GOLGA8J: variants seen among roughly 807,000 people sequenced by gnomAD.
GOLGA8J encodes the protein golgin A8 family member J, also known as golgin subfamily A member 8J.
GOLGA8J carries 19 observed loss-of-function variants against 67.7 expected under a neutral mutation model. The observed-to-expected ratio is 0.28, with a 90% CI of 0.20 to 0.41. The LOEUF is 0.41. GOLGA8J is among the 10% of genes least tolerant of loss of function. The probability of loss-of-function intolerance (pLI) is 1.00; values close to 1 mark genes in which losing one functional copy is unlikely to be tolerated. For synonymous variants in GOLGA8J, 69 were observed against 215.9 expected (o/e 0.32, Z 5.97); for missense variants, 205 against 584.3 (o/e 0.35, Z 6.69).
intron 13 of GOLGA8J, 57 bp downstream of exon 13, chr15:30,090,337 C>T (rs1478806354): frequency 1.6e-6 from 2 of 1,256,726 alleles, no homozygotes; most frequent in Non-Finnish European, 1.1e-6. Flanking sequence ...CGGGCAGCAG[C>T]CTCTTGGGAG....
chr15:30,089,542 T>G (rs1390333480), intron 11 of GOLGA8J, among the ~76,000 whole-genome samples, 158 bp from the exon 12 acceptor site: 2 of 137,156 alleles, frequency 1.5e-5, no homozygotes, highest in African/African-American at 3.1e-5. Flanking sequence ...GCAGTGCTCT[T>G]TCTCTGAAAG....
rs2057451657 is a variant in GOLGA8J at position 30,094,784 on chromosome 15, T to C, written c.*1285T>C. 7.5e-6 allele frequency among the ~76,000 whole-genome samples: 1 copy of C among 134,058 alleles called. No individual in the cohort carries two copies. The highest frequency in any genetic ancestry group is 2.3e-4 in the South Asian group (1 of 4,424). The allele number at this position is 134,058 out of a possible 152,430, so 87.9% of individuals were successfully genotyped here. On this transcript the variant is annotated 3_prime_UTR_variant, in exon 19 of 19. Coordinates refer to ENST00000567927, the MANE Select transcript of GOLGA8J (RefSeq NM_001282472.2). ...ATAGAAACATTATTATAAACTAATA[T>C]ATGTGAGATACTTAGTTGAAACAAA...
At position 30,090,062 on chromosome 15, in the gene GOLGA8J, C is replaced by A. The variant is rs577028600; in HGVS notation, c.1131+106C>A. On this transcript the variant is annotated intron_variant, in intron 12 of 18. Coordinates refer to ENST00000567927, the MANE Select transcript of GOLGA8J (RefSeq NM_001282472.2). ...GTAGCCCTCACATGAAATGTTACTT[C>A]TAAAGGCACCTGTGAGCCAGGTGGC... The A allele has an allele frequency of 3.4e-6, 4 of 1,166,694 alleles. No individual in the cohort carries two copies. The East Asian group carries it at 1.0e-4, about 30-fold the overall frequency. 72.3% of individuals were successfully genotyped at this position (1,166,694 alleles called of 1,614,324 possible).
intron 15 of GOLGA8J, chr15:30,092,490 C>G (rs200148582): frequency 0.029 from 27,814 of 973,950 alleles, 1,480 homozygotes; most frequent in Admixed American, 0.05. Context: ...GCCTGGCTCA[C>G]CCGGTGGCCT....
Position 30,095,165 on chromosome 15 carries a change from C to G in GOLGA8J, c.*1666C>G, listed in dbSNP as rs992784989. ...TCATGAAGTTCTAATGTCTGTGTTC[C>G]AAAACACATCACATTGTTAGGATGC... is the stretch of plus-strand genomic sequence containing the variant. On this transcript the variant is annotated 3_prime_UTR_variant, in exon 19 of 19. Coordinates refer to ENST00000567927, the MANE Select transcript of GOLGA8J (RefSeq NM_001282472.2). 7.0e-6 allele frequency among the ~76,000 whole-genome samples: 1 copy of G among 143,676 alleles called. No homozygotes were observed. The highest frequency in any genetic ancestry group is 1.5e-5 in the Non-Finnish European group (1 of 66,834). The allele number at this position is 143,676 out of a possible 152,430, so 94.3% of individuals were successfully genotyped here.
At chr15:30,085,357 A>C (rs1042044544) in intron 2 of GOLGA8J, among the ~76,000 whole-genome samples, 2 of 76,806 alleles carry the variant, frequency 2.6e-5, no homozygotes, top group Non-Finnish European at 4.1e-5. Flanking sequence ...ATTTAGGGCA[A>C]GTTGCTAGAC....
chr15:30,092,072 G>T lies in GOLGA8J; in HGVS notation c.1307G>T (p.Gly436Val). The T allele has an allele frequency of 6.3e-7, 1 of 1,597,246 alleles. No individual in the cohort carries two copies. The highest frequency in any genetic ancestry group is 1.1e-5 in the South Asian group (1 of 89,762). ...GGAGGAGAACATCTGGACAGTGAGG[G>T]GGAGGAGGCACCTCGGCCCATGCCG... ...GHGGEHLDSE[G>V]EEAPRPMPSV... Residue 436 changes from glycine to valine, a missense_variant, in exon 15 of 19, where the codon GGG becomes GTG. By Grantham distance (109) the Gly-to-Val change is moderately radical. Coordinates refer to ENST00000567927, the MANE Select transcript of GOLGA8J (RefSeq NM_001282472.2).
chr15:30,096,190 A>G lies in GOLGA8J; in HGVS notation c.*2691A>G, dbSNP rs1455172976. ...CTGAATACATTTTAATGTCTGTAGG[A>G]AGAATCAAAACACCTATTTAAAGAT... On this transcript the variant is annotated 3_prime_UTR_variant, in exon 19 of 19. Coordinates refer to ENST00000567927, the MANE Select transcript of GOLGA8J (RefSeq NM_001282472.2). 6.7e-6 allele frequency among the ~76,000 whole-genome samples: 1 copy of G among 149,164 alleles called. No individual in the cohort carries two copies. Among genetic ancestry groups the G allele is most frequent in the African/African-American group, 2.5e-5 (1 of 39,706 alleles).
Position 30,094,807 on chromosome 15 carries a change from A to T in GOLGA8J, c.*1308A>T, listed in dbSNP as rs1440671168. On this transcript the variant is annotated 3_prime_UTR_variant, in exon 19 of 19. Transcript: ENST00000567927. ...TATATGTGAGATACTTAGTTGAAAC[A>T]AAAAGGAGTTTTAGTAGACGGTATT... is the stretch of plus-strand genomic sequence containing the variant. 7.3e-6 allele frequency among the ~76,000 whole-genome samples: 1 copy of T among 137,110 alleles called. No homozygotes were observed. The highest frequency in any genetic ancestry group is 1.5e-5 in the Non-Finnish European group (1 of 67,058). 89.9% of individuals were successfully genotyped at this position (137,110 alleles called of 152,430 possible). A position where few individuals can be genotyped will look rare whatever the true frequency, so the allele number is the denominator to read the frequency against.
intron 12 of GOLGA8J, 46 bp from the exon 13 acceptor site, chr15:30,090,166 G>T (rs1567306126): frequency 1.0e-6 from 1 of 966,492 alleles, no homozygotes; most frequent in East Asian, 2.6e-5. Context: ...AAGTTCTGGG[G>T]TCTCCAGCTG....
At chr15:30,088,658 C>T (rs1266097649) in intron 8 of GOLGA8J, 82 bp from the exon 9 acceptor site, 15 of 1,177,926 alleles carry the variant, frequency 1.3e-5, no homozygotes, top group Admixed American at 1.9e-5. Context: ...GTATATTGGG[C>T]CTAGCCCTAG....
intron 13 of GOLGA8J, among the ~76,000 whole-genome samples, 185 bp downstream of exon 13, chr15:30,090,465 C>T (rs1311789970): frequency 6.7e-6 from 1 of 148,172 alleles, no homozygotes; most frequent in African/African-American, 2.6e-5. Flanking sequence ...GTGGGTAGCC[C>T]TGGGCTCCTC....
rs1476404613 is a variant in GOLGA8J at position 30,095,962 on chromosome 15, A to C, written c.*2463A>C. On this transcript the variant is annotated 3_prime_UTR_variant, in exon 19 of 19. Transcript: ENST00000567927. Reference sequence around the variant, plus strand: ...TTGTGTAGGTATTTGTCATATATTTAAGAAAAAGTTAAAAAGAATGGAAAT... The same window carrying C: ...TTGTGTAGGTATTTGTCATATATTTCAGAAAAAGTTAAAAAGAATGGAAAT... Among the ~76,000 whole-genome samples, 1 of 123,070 alleles carries C rather than the reference A, an allele frequency of 8.1e-6. No homozygotes were observed. The highest frequency in any genetic ancestry group is 5.4e-5 in the African/African-American group (1 of 18,502). The allele number at this position is 123,070 out of a possible 152,430, so 80.7% of individuals were successfully genotyped here.
In GOLGA8J at chr15:30,093,155, C is replaced by A. The variant is rs1447763372; in HGVS notation, c.1639C>A (p.Leu547Met). The A allele has an allele frequency of 6.6e-7, 1 of 1,519,144 alleles. No individual in the cohort carries two copies. The highest frequency in any genetic ancestry group is 8.8e-7 in the Non-Finnish European group (1 of 1,142,202). 94.1% of individuals were successfully genotyped at this position (1,519,144 alleles called of 1,614,324 possible). ...CTACAACAATGGGCACAGAAAATTC[C>A]TGGCCGCTGCCCACAACTCTGCTGA... The part of the protein sequence containing the change: ...SNYNNGHRKF[L>M]AAAHNSADEP... Residue 547 changes from leucine (L) to methionine (M), a missense_variant, in exon 18 of 19, where the codon CTG becomes ATG. Physicochemically the swap from Leu to Met is conservative, Grantham distance 15. Transcript: ENST00000567927.
In GOLGA8J at chr15:30,085,078, C is replaced by T. The variant is rs368942571; in HGVS notation, c.168+188C>T. Among the ~76,000 whole-genome samples the T allele has an allele frequency of 8.6e-5, 7 of 81,270 alleles. No homozygotes were observed. The East Asian group carries it at 9.1e-4, about 11-fold the overall frequency. The allele number at this position is 81,270 out of a possible 152,430, so 53.3% of individuals were successfully genotyped here. On this transcript the variant is annotated intron_variant, in intron 2 of 18. Coordinates refer to ENST00000567927, the MANE Select transcript of GOLGA8J (RefSeq NM_001282472.2). ...CAGGCGGATCATGAGGTCAGGAGATCGAGACCATCCTGGTTAACACGGTGA... is the reference window on the plus strand; with the variant it reads ...CAGGCGGATCATGAGGTCAGGAGATTGAGACCATCCTGGTTAACACGGTGA...
rs2057441687 is a variant in GOLGA8J, at chr15:30,093,849, A to G, written c.*350A>G. Among the ~76,000 whole-genome samples, 1 of 143,096 alleles carries G rather than the reference A, an allele frequency of 7.0e-6. No individual in the cohort carries two copies. Among genetic ancestry groups the G allele is most frequent in the South Asian group, 2.2e-4 (1 of 4,542 alleles). 93.9% of individuals were successfully genotyped at this position (143,096 alleles called of 152,430 possible). A position where few individuals can be genotyped will look rare whatever the true frequency, so the allele number is the denominator to read the frequency against. ...TCTCTTTGGTTTGGAATAGGCTGCC[A>G]TGCTTTTTTAATGTTATTGCAGCAT... On this transcript the variant is annotated 3_prime_UTR_variant, in exon 19 of 19. Coordinates refer to ENST00000567927, the MANE Select transcript of GOLGA8J (RefSeq NM_001282472.2).
At position 30,094,458 on chromosome 15, in the gene GOLGA8J, A is replaced by G. The variant is rs2057448660; in HGVS notation, c.*959A>G. 7.1e-6 allele frequency among the ~76,000 whole-genome samples: 1 copy of G among 140,994 alleles called. No homozygotes were observed. Among genetic ancestry groups the G allele is most frequent in the South Asian group, 2.2e-4 (1 of 4,588 alleles). 92.5% of individuals were successfully genotyped at this position (140,994 alleles called of 152,430 possible). A position where few individuals can be genotyped will look rare whatever the true frequency, so the allele number is the denominator to read the frequency against. Reference sequence around the variant, plus strand: ...TTTTAATCACATGACTACATGTCCCAGTACACAAAAGGGCACTGGTTGGCA... The same window carrying G: ...TTTTAATCACATGACTACATGTCCCGGTACACAAAAGGGCACTGGTTGGCA... On this transcript the variant is annotated 3_prime_UTR_variant, in exon 19 of 19. Transcript: ENST00000567927.
rs1005050789 is a variant in GOLGA8J, at chr15:30,095,476, C to T, written c.*1977C>T. Among the ~76,000 whole-genome samples the T allele has an allele frequency of 1.4e-5, 2 of 146,554 alleles. No homozygotes were observed. The highest frequency in any genetic ancestry group is 5.2e-5 in the African/African-American group (2 of 38,686). ...AAGAAAAAATTTAGACCAAATAATG[C>T]AGCTAATTAACAGTGGTACGATTTG... On this transcript the variant is annotated 3_prime_UTR_variant, in exon 19 of 19. Transcript: ENST00000567927.
chr15:30,095,554 T>G lies in GOLGA8J; in HGVS notation c.*2055T>G, dbSNP rs2057459438. Among the ~76,000 whole-genome samples the G allele has an allele frequency of 7.4e-6, 1 of 134,766 alleles. No individual in the cohort carries two copies. The highest frequency in any genetic ancestry group is 1.6e-5 in the Non-Finnish European group (1 of 63,802). 88.4% of individuals were successfully genotyped at this position (134,766 alleles called of 152,430 possible). On this transcript the variant is annotated 3_prime_UTR_variant, in exon 19 of 19. Coordinates refer to ENST00000567927, the MANE Select transcript of GOLGA8J (RefSeq NM_001282472.2). ...AGTCCTGTTCTCGCCTTTTATTTTC[T>G]GAACTTGCCGCTTTTGCATTCTTTG...
Sources: gnomAD v4.1 joint callset for allele counts (sites outside exome capture counted in the v4.1 genomes callset) on GRCh38, gnomAD v4.1.1 for gene constraint, MANE v1.5 for transcripts, NCBI Gene and HGNC (gene_info 2026-07-23, HGNC 2026-07-21) for gene names.